The following RABEPK variants were observed in gnomAD, a reference collection of about 807,000 sequenced individuals.
RABEPK encodes 40 kDa Rab9 effector protein.
In RABEPK, 27 loss-of-function variants were observed where a neutral mutation model predicts 34.1. The ratio of observed to expected loss-of-function variants is 0.79; its 90% CI spans 0.58 to 1.09. The LOEUF is 1.09. Among genes scored for constraint, RABEPK ranks in the 50% least tolerant of loss-of-function variants. The pLI is 0.00. For missense variants in RABEPK, 449 were observed against 462.6 expected (o/e 0.97, Z 0.27); for synonymous variants, 172 against 169.2 (o/e 1.02, Z -0.13).
intron 6 of RABEPK, among the ~76,000 whole-genome samples, chr9:125,228,836 G>A (rs1304576904): frequency 2.0e-5 from 3 of 150,926 alleles, no homozygotes; most frequent in Non-Finnish European, 2.9e-5. Context: ...GGTGGCACTC[G>A]CCTCTAGTCC....
Position 125,228,049 on chromosome 9 carries a change from C to T in RABEPK, c.666C>T (p.Cys222=), listed in dbSNP as rs1316805705. 1.3e-6 allele frequency: 2 copies of T among 1,577,502 alleles called. No individual in the cohort carries two copies. Among genetic ancestry groups the T allele is most frequent in the Non-Finnish European group, 1.7e-6 (2 of 1,158,988 alleles). The change falls in exon 6 of 8, where the codon TGC becomes TGT. Residue 222 remains cysteine (C), a synonymous_variant. Coordinates refer to ENST00000373538, the MANE Select transcript of RABEPK (RefSeq NM_005833.4). The stretch of plus-strand genomic sequence containing the variant: ...ACAGATTCTATGATGACCTCCACTG[C>T]ATTGATATAAGTAAGCAGGGCATGG... ...AGDRFYDDLH[C]IDISDMKWQK... is the part of the protein sequence containing the mutation.
chr9:125,220,780 A>G, intron 5 of RABEPK, 80 bp downstream of exon 5: 1 of 1,455,176 alleles, frequency 6.9e-7, no homozygotes, highest in South Asian at 1.4e-5. Flanking sequence ...CAGAAGTTAG[A>G]AAAGGAAAGC....
At chr9:125,214,370 C>T (rs1258207315) in intron 4 of RABEPK, among the ~76,000 whole-genome samples, 1 of 152,168 alleles carries the variant, frequency 6.6e-6, no homozygotes, top group Non-Finnish European at 1.5e-5. Context: ...GTGCCTAAGA[C>T]AGCCATCACA....
intron 3 of RABEPK, among the ~76,000 whole-genome samples, chr9:125,209,386 G>T (rs539138002): frequency 1.3e-5 from 2 of 150,614 alleles, no homozygotes; most frequent in Non-Finnish European, 3.0e-5. Flanking sequence ...GTGTCGCTCT[G>T]TCACCCAGGC....
At chr9:125,226,486 A>G (rs575388058) in intron 5 of RABEPK, among the ~76,000 whole-genome samples, 107 of 152,194 alleles carry the variant, frequency 7.0e-4, no homozygotes, top group Non-Finnish European at 1.3e-3. Flanking sequence ...GCACTTTGGG[A>G]TGCCGAGGTG....
chr9:125,219,705 G>A (rs1247268571), intron 4 of RABEPK, among the ~76,000 whole-genome samples: 2 of 151,100 alleles, frequency 1.3e-5, no homozygotes, highest in African/African-American at 2.4e-5. Context: ...ACCCCTGGCT[G>A]ATTTTTTGTA....
At chr9:125,207,439 G>T in intron 2 of RABEPK, 125 bp from the exon 3 acceptor site, 2 of 999,224 alleles carry the variant, frequency 2.0e-6, no homozygotes, top group Non-Finnish European at 3.0e-6. Flanking sequence ...CTGCTTTATT[G>T]GGTACAATTT....
chr9:125,214,248 C>CG (rs1226909980), intron 4 of RABEPK, among the ~76,000 whole-genome samples: 1 of 152,124 alleles, frequency 6.6e-6, no homozygotes, highest in African/African-American at 2.4e-5. Flanking sequence ...ATTGTGCCCC[C>CG]GGGGGACATT....
chr9:125,206,890 G>A (rs1380800012), intron 2 of RABEPK, among the ~76,000 whole-genome samples: 1 of 152,092 alleles, frequency 6.6e-6, no homozygotes, highest in African/African-American at 2.4e-5. Flanking sequence ...GGGAGTTCGA[G>A]ACCAGCCTGA....
At chr9:125,208,558 C>T (rs186856014) in intron 3 of RABEPK, among the ~76,000 whole-genome samples, 55 of 148,012 alleles carry the variant, frequency 3.7e-4, no homozygotes, top group South Asian at 1.9e-3. Flanking sequence ...TTTTTTTAGA[C>T]GGAGTCCCAC....
At chr9:125,214,592 T>C (rs2131389422) in intron 4 of RABEPK, among the ~76,000 whole-genome samples, 1 of 152,324 alleles carries the variant, frequency 6.6e-6, no homozygotes, top group East Asian at 1.9e-4. Context: ...GGAAGCAGTT[T>C]GGGAACGTCG....
At chr9:125,219,693 G>A (rs1045722201) in intron 4 of RABEPK, among the ~76,000 whole-genome samples, 3 of 151,752 alleles carry the variant, frequency 2.0e-5, no homozygotes, top group Non-Finnish European at 4.4e-5. Context: ...GTGAGCCACT[G>A]CACCCCTGGC....
intron 2 of RABEPK, among the ~76,000 whole-genome samples, chr9:125,204,520 G>A (rs970096286): frequency 3.9e-5 from 6 of 152,310 alleles, no homozygotes; most frequent in Middle Eastern, 3.4e-3. Context: ...GGTGGAGGTT[G>A]CAGCAAGCCG....
chr9:125,227,404 C>T (rs186867967), intron 5 of RABEPK, among the ~76,000 whole-genome samples: 1 of 151,840 alleles, frequency 6.6e-6, no homozygotes, highest in East Asian at 1.9e-4. Flanking sequence ...AGCATGCACG[C>T]AGAGCCTCTG....
chr9:125,228,100 T>TTTTA (rs1002810110), intron 6 of RABEPK, 41 bp downstream of exon 6: 3 of 1,319,784 alleles, frequency 2.3e-6, no homozygotes, highest in Non-Finnish European at 9.8e-7. Flanking sequence ...AAATTGTTAT[T>TTTTA]TTTATTTATT....
rs576739519 is a variant in RABEPK, at chr9:125,205,740, G to A, written c.54-1824G>A. On this transcript the variant is annotated intron_variant, in intron 2 of 7. Coordinates refer to ENST00000373538, the MANE Select transcript of RABEPK (RefSeq NM_005833.4). ...CTTGACCTCATGATCTGCCTGCCTC[G>A]GCCTCCCAATGTGCTGGGATTACAG... Among the ~76,000 whole-genome samples the A allele has an allele frequency of 3.0e-4, 45 of 152,084 alleles. No individual in the cohort carries two copies. The South Asian group carries it at 7.7e-3, about 26-fold the overall frequency.
chr9:125,206,776 A>G (rs1398558021), intron 2 of RABEPK, among the ~76,000 whole-genome samples: 1 of 151,934 alleles, frequency 6.6e-6, no homozygotes, highest in African/African-American at 2.4e-5. Context: ...AGTCTTCACA[A>G]TCATCTTTTG....
At chr9:125,215,983 A>G (rs1422936784) in intron 4 of RABEPK, among the ~76,000 whole-genome samples, 1 of 152,158 alleles carries the variant, frequency 6.6e-6, no homozygotes, top group Non-Finnish European at 1.5e-5. Flanking sequence ...AGGCAAAAAA[A>G]CTTGTACATA....
intron 4 of RABEPK, among the ~76,000 whole-genome samples, chr9:125,217,630 G>A (rs1418169285): frequency 1.3e-5 from 2 of 152,086 alleles, no homozygotes; most frequent in African/African-American, 4.8e-5. Context: ...AATATAATTT[G>A]ACATCATGCC....
Sources: allele counts gnomAD v4.1 joint callset (sites outside exome capture counted in the v4.1 genomes callset), GRCh38; gene constraint gnomAD v4.1.1; transcripts MANE v1.5; gene names NCBI Gene and HGNC (gene_info 2026-07-23, HGNC 2026-07-21).